The following FAM227A variants were observed in gnomAD, a reference collection of about 807,000 sequenced individuals.
The protein encoded by FAM227A is family with sequence similarity 227 member A.
A neutral mutation model predicts 74.7 loss-of-function variants in FAM227A; 80 were observed. The ratio of observed to expected loss-of-function variants is 1.07; its 90% CI spans 0.89 to 1.29. The LOEUF is 1.29. Ranked by LOEUF, FAM227A falls within the 50% of genes most tolerant of loss-of-function variation. FAM227A has a pLI of 0.00. For missense variants in FAM227A, 654 were observed against 683.4 expected, an observed-to-expected ratio of 0.96 and a Z score of 0.48; for synonymous variants, 237 against 241.8, an observed-to-expected ratio of 0.98 and a Z score of 0.19.
At chr22:38,645,824 T>G (rs1486663134) in intron 2 of FAM227A, among the ~76,000 whole-genome samples, 179 bp from the exon 3 acceptor site, 1 of 152,170 alleles carries the variant, frequency 6.6e-6, no homozygotes, top group African/African-American at 2.4e-5. Flanking sequence ...CACGCTTTGT[T>G]GCCCATGCTG....
chr22:38,606,085 T>C (rs1340470574), intron 12 of FAM227A, among the ~76,000 whole-genome samples: 2 of 152,172 alleles, frequency 1.3e-5, no homozygotes, highest in Non-Finnish European at 2.9e-5. Flanking sequence ...GAACCAACTC[T>C]TATATCTAAC....
chr22:38,643,314 TC>T (rs1280877393), intron 3 of FAM227A, among the ~76,000 whole-genome samples: 1 of 130,852 alleles, frequency 7.6e-6, no homozygotes, highest in Non-Finnish European at 1.6e-5. Context: ...AGATTCTGTC[TC>T]AAAAAAAAAA....
chr22:38,625,278 A>C (rs1186648496), intron 9 of FAM227A, among the ~76,000 whole-genome samples: 1 of 151,748 alleles, frequency 6.6e-6, no homozygotes, highest in Non-Finnish European at 1.5e-5. Flanking sequence ...AGTCCCAGCT[A>C]CTCGGGAGGC....
At position 38,579,801 on chromosome 22, in the gene FAM227A, G is replaced by T. The variant is rs898160929; in HGVS notation, c.*6324C>A. 2 of 152,018 alleles carry T rather than the reference G, an allele frequency of 1.3e-5. No homozygotes were observed. The highest frequency in any genetic ancestry group is 2.9e-5 in the Non-Finnish European group (2 of 67,984). The allele number at this position is 152,018 out of a possible 1,614,324, so 9.4% of individuals were successfully genotyped here. ...AATATAACCATAATGCTATTATCAC[G>T]CCTAGAATAATTTTATATATAAAAT... On this transcript the variant is annotated 3_prime_UTR_variant, in exon 17 of 17. Coordinates refer to ENST00000535113, the MANE Select transcript of FAM227A (RefSeq NM_001013647.2).
intron 6 of FAM227A, 40 bp from the exon 7 acceptor site, chr22:38,628,975 C>G (rs757202885): frequency 1.1e-4 from 130 of 1,233,162 alleles, no homozygotes; most frequent in Non-Finnish European, 1.3e-4. Flanking sequence ...TTGTTGTTAT[C>G]TTTTTAAAAA....
At chr22:38,596,071 A>T (rs555589284) in intron 15 of FAM227A, among the ~76,000 whole-genome samples, 1 of 152,218 alleles carries the variant, frequency 6.6e-6, no homozygotes, top group African/African-American at 2.4e-5. Context: ...TATAATCTCA[A>T]CAGTTTGGGA....
chr22:38,622,338 C>T (rs1451756282), intron 10 of FAM227A, among the ~76,000 whole-genome samples: 1 of 152,166 alleles, frequency 6.6e-6, no homozygotes, highest in Non-Finnish European at 1.5e-5. Context: ...CTGGAAAAAG[C>T]CATGAACCTT....
chr22:38,645,517 C>CTT, intron 3 of FAM227A, 46 bp downstream of exon 3: 1 of 1,363,366 alleles, frequency 7.3e-7, no homozygotes, highest in Non-Finnish European at 1.0e-6. Flanking sequence ...CCCCGGGGCC[C>CTT]TTCCCTGTCA....
chr22:38,632,693 C>T (rs966685423), intron 6 of FAM227A, among the ~76,000 whole-genome samples: 1 of 152,034 alleles, frequency 6.6e-6, no homozygotes, highest in African/African-American at 2.4e-5. Flanking sequence ...GATAAAGGGG[C>T]CTGGGACACC....
chr22:38,632,869 G>A (rs1052427460), intron 6 of FAM227A, among the ~76,000 whole-genome samples: 4 of 152,164 alleles, frequency 2.6e-5, no homozygotes, highest in Admixed American at 1.3e-4. Flanking sequence ...TGATTGACTC[G>A]GGACACTTTC....
chr22:38,611,768 G>A (rs1413506529), intron 11 of FAM227A, among the ~76,000 whole-genome samples: 1 of 152,134 alleles, frequency 6.6e-6, no homozygotes, highest in Non-Finnish European at 1.5e-5. Context: ...GGCTTGGGTA[G>A]AAATTGTTCT....
In FAM227A at chr22:38,599,871, A is replaced by T. The variant is rs1415855374; in HGVS notation, c.1272T>A (p.Ile424=). The change falls in exon 14 of 17, where the codon ATT becomes ATA. Residue 424 remains isoleucine, a synonymous_variant. Transcript: ENST00000535113. ...ACACAATCAGAGGGCTCTTCCCATAAATGTTGAAGAGGTTTGAAGTCAGCT... is the reference window on the plus strand; with the variant it reads ...ACACAATCAGAGGGCTCTTCCCATATATGTTGAAGAGGTTTGAAGTCAGCT... ...SPELTSNLFN[I]YGKSPLIVYF... 3.2e-6 allele frequency: 5 copies of T among 1,551,552 alleles called. No individual in the cohort carries two copies. In the East Asian group the frequency reaches 1.2e-4, roughly 38 times the overall value.
chr22:38,589,019 C>T (rs2090873843), intron 16 of FAM227A, among the ~76,000 whole-genome samples: 1 of 151,844 alleles, frequency 6.6e-6, no homozygotes, highest in African/African-American at 2.4e-5. Context: ...AGGTTGTAAA[C>T]CCCAGTACCC....
At chr22:38,599,440 C>CT (rs2091123306) in intron 14 of FAM227A, among the ~76,000 whole-genome samples, 1 of 152,150 alleles carries the variant, frequency 6.6e-6, no homozygotes, top group South Asian at 2.1e-4. Flanking sequence ...CAACGAGTGT[C>CT]TGGGAAGCAC....
chr22:38,632,264 T>C (rs1376396568), intron 6 of FAM227A, among the ~76,000 whole-genome samples: 1 of 152,148 alleles, frequency 6.6e-6, no homozygotes, highest in Admixed American at 6.5e-5. Context: ...GGTCTGAATG[T>C]GTTCCCCAAA....
chr22:38,588,719 G>C (rs1286758546), intron 16 of FAM227A, among the ~76,000 whole-genome samples: 1 of 148,810 alleles, frequency 6.7e-6, no homozygotes, highest in East Asian at 2.0e-4. Flanking sequence ...TCAGGAGTTC[G>C]AGACCATCCT....
chr22:38,583,688 A>T lies in FAM227A; in HGVS notation c.*2437T>A, dbSNP rs986935549. The T allele has an allele frequency of 6.6e-6, 1 of 152,262 alleles. No individual in the cohort carries two copies. The highest frequency in any genetic ancestry group is 2.4e-5 in the African/African-American group (1 of 41,446). 9.4% of individuals were successfully genotyped at this position (152,262 alleles called of 1,614,324 possible). ...TGCTGAGTCACACATCCATATGGTG[A>T]AGCAGGGCAGGGATTCAAAGGCCCA... On this transcript the variant is annotated 3_prime_UTR_variant, in exon 17 of 17. Transcript: ENST00000535113.
chr22:38,638,362 T>C (rs1423223208), intron 5 of FAM227A, among the ~76,000 whole-genome samples: 2 of 152,140 alleles, frequency 1.3e-5, no homozygotes, highest in Non-Finnish European at 2.9e-5. Context: ...CTCAGCTTCC[T>C]GAGGCATCCG....
Position 38,636,468 on chromosome 22 carries a change from C to G in FAM227A, c.502G>C (p.Asp168His), listed in dbSNP as rs1224874349. 3.2e-6 allele frequency: 5 copies of G among 1,551,168 alleles called. No homozygotes were observed. The highest frequency in any genetic ancestry group is 4.4e-6 in the Non-Finnish European group (5 of 1,146,810). ...TTCCTCACCTTGCCACTAAGGCAGT[C>G]TCTCTCAGCCCGGACCACGTTGCCC... ...MVGNVVRAERDCLSGKHFCSG... is the reference protein window; with the variant it reads ...MVGNVVRAERHCLSGKHFCSG... The change falls in exon 6 of 17, where the codon GAC (aspartate) becomes CAC (histidine). Residue 168 changes from aspartate (D) to histidine (H), a missense_variant. Physicochemically the swap from Asp to His is moderately conservative, Grantham distance 81 (BLOSUM62 -1). Coordinates refer to ENST00000535113, the MANE Select transcript of FAM227A (RefSeq NM_001013647.2).
Sources: allele counts gnomAD v4.1 joint callset (sites outside exome capture counted in the v4.1 genomes callset), GRCh38; gene constraint gnomAD v4.1.1; transcripts MANE v1.5; gene names NCBI Gene and HGNC (gene_info 2026-07-23, HGNC 2026-07-21).